The following PCDHGA8 variants were observed in gnomAD, a reference collection of about 807,000 sequenced individuals.
The protein encoded by PCDHGA8 is protocadherin gamma subfamily A, 8.
PCDHGA8 carries 45 observed loss-of-function variants against 59.2 expected under a neutral mutation model. The observed-to-expected ratio is 0.76, with a 90% CI of 0.60 to 0.98. The LOEUF (loss-of-function observed/expected upper bound fraction) is 0.98, where lower values mean the gene tolerates loss of function less well. PCDHGA8 is among the 50% of genes least tolerant of loss of function. The probability of loss-of-function intolerance (pLI) is 0.00; values close to 1 mark genes in which losing one functional copy is unlikely to be tolerated. For synonymous variants in PCDHGA8, 531 were observed against 519.0 expected (o/e 1.02, Z -0.32); for missense variants, 1,257 against 1,196.2 (o/e 1.05, Z -0.75).
chr5:141,419,734 G>A, intron 1 of PCDHGA8: 2 of 1,613,792 alleles, frequency 1.2e-6, no homozygotes, highest in Non-Finnish European at 1.7e-6. Context: ...GAACAGGCGA[G>A]GTGCGCATGG....
chr5:141,419,218 A>G, intron 1 of PCDHGA8: 1 of 1,613,940 alleles, frequency 6.2e-7, no homozygotes, highest in Non-Finnish European at 8.5e-7. Flanking sequence ...CGGTTTTCGG[A>G]CAGTCAGCCT....
chr5:141,424,962 C>G (rs1018789700), intron 1 of PCDHGA8, among the ~76,000 whole-genome samples: 2 of 152,116 alleles, frequency 1.3e-5, no homozygotes, highest in Admixed American at 6.6e-5. Flanking sequence ...GTATTTGCCC[C>G]AAATTACTTG....
intron 1 of PCDHGA8, chr5:141,413,452 AGGATAGACC>A (rs2095643065): frequency 6.2e-7 from 1 of 1,614,124 alleles, no homozygotes; most frequent in Admixed American, 1.7e-5. Context: ...CACCGCGGGC[AGGATAGACC>A]GGGAGGAGCT....
intron 1 of PCDHGA8, chr5:141,415,000 T>G: frequency 6.2e-7 from 1 of 1,613,660 alleles, no homozygotes; most frequent in Non-Finnish European, 8.5e-7. Context: ...CGCCTGGCTG[T>G]CCTACCGTCT....
At chr5:141,424,540 T>G (rs944656560) in intron 1 of PCDHGA8, 1 of 152,244 alleles carries the variant, frequency 6.6e-6, no homozygotes, top group Admixed American at 6.5e-5. Flanking sequence ...TAGAAATAAC[T>G]TGATTTTGAT....
At chr5:141,414,888 C>T (rs1452402953) in intron 1 of PCDHGA8, 2 of 1,614,210 alleles carry the variant, frequency 1.2e-6, no homozygotes, top group Non-Finnish European at 1.7e-6. Flanking sequence ...ACCCCGCCCT[C>T]CCCACAGACG....
At chr5:141,397,923 C>T in intron 1 of PCDHGA8, 1 of 738,672 alleles carries the variant, frequency 1.4e-6, no homozygotes, top group East Asian at 2.8e-5. Flanking sequence ...GATCTCCTCG[C>T]GCAGCCGCAG....
chr5:141,485,666 A>G lies in PCDHGA8; in HGVS notation c.2425-9141A>G. ...GGCTCAGGATGCAGATGTGGGGAGC[A>G]ATTCGATTAGCAGCTATAGGCTGAG... On this transcript the variant is annotated intron_variant, in intron 1 of 3. Coordinates refer to ENST00000398604, the MANE Select transcript of PCDHGA8 (RefSeq NM_032088.2). The surrounding 1 kb of genome is among the most constrained non-coding windows in gnomAD (Gnocchi z 5.7). 1 of 1,612,786 alleles carries G rather than the reference A, an allele frequency of 6.2e-7. No homozygotes were observed. Among genetic ancestry groups the G allele is most frequent in the Non-Finnish European group, 8.5e-7 (1 of 1,178,960 alleles).
intron 1 of PCDHGA8, chr5:141,395,537 ATTGT>A (rs1179408656): frequency 3.7e-5 from 9 of 243,938 alleles, no homozygotes; most frequent in Admixed American, 8.6e-5. Context: ...TAATTTTGCT[ATTGT>A]TTGTGTGTGT....
At position 141,409,941 on chromosome 5, in the gene PCDHGA8, G is replaced by C. The variant is rs757414302; in HGVS notation, c.2424+14704G>C. ...TCCGCGTTCTTCGATATGGTACCTC[G>C]CTCTGCAGAGCCCGGCTACCTAGTG... On this transcript the variant is annotated intron_variant, in intron 1 of 3. Transcript: ENST00000398604. 1.9e-6 allele frequency: 3 copies of C among 1,613,226 alleles called. No homozygotes were observed. In the South Asian group the frequency reaches 3.3e-5, roughly 18 times the overall value.
intron 1 of PCDHGA8, chr5:141,400,228 C>T: frequency 1.2e-6 from 2 of 1,614,030 alleles, no homozygotes; most frequent in African/African-American, 2.7e-5. Flanking sequence ...GCTCTTCCTC[C>T]TGGCCGTGAT....
chr5:141,478,635 A>T, intron 1 of PCDHGA8: 1 of 1,552,830 alleles, frequency 6.4e-7, no homozygotes, highest in Non-Finnish European at 8.7e-7. Context: ...TTTTTTAGTG[A>T]TGAAGATGTT....
chr5:141,402,854 C>A, intron 1 of PCDHGA8: 2 of 1,423,530 alleles, frequency 1.4e-6, no homozygotes, highest in Non-Finnish European at 1.8e-6. Flanking sequence ...CCTCTTTCTT[C>A]TAAGGAAAAG....
chr5:141,452,830 T>A (rs2098749929), intron 1 of PCDHGA8, among the ~76,000 whole-genome samples: 1 of 152,166 alleles, frequency 6.6e-6, no homozygotes, highest in South Asian at 2.1e-4. Context: ...CAAAATCACT[T>A]GGTCCAGCCC....
chr5:141,409,541 G>C lies in PCDHGA8; in HGVS notation c.2424+14304G>C, dbSNP rs1485327824. ...CACCTTGTATGTCGCTGACATCAAC[G>C]ACAACGCCCCAGTTTTCGACCAGAC... On this transcript the variant is annotated intron_variant, in intron 1 of 3. Coordinates refer to ENST00000398604, the MANE Select transcript of PCDHGA8 (RefSeq NM_032088.2). 16 of 1,613,852 alleles carry C rather than the reference G, an allele frequency of 9.9e-6. No homozygotes were observed. Among genetic ancestry groups the C allele is most frequent in the Admixed American group, 1.7e-5 (1 of 60,016 alleles).
chr5:141,486,211 T>C lies in PCDHGA8; in HGVS notation c.2425-8596T>C, dbSNP rs779905477. On this transcript the variant is annotated intron_variant, in intron 1 of 3. Coordinates refer to ENST00000398604, the MANE Select transcript of PCDHGA8 (RefSeq NM_032088.2). The surrounding 1 kb of genome is among the most constrained non-coding windows in gnomAD (Gnocchi z 5.0). ...TGGATCTGCTGGACGTAAATGACAA[T>C]GCCCCTTACATCACAGTGACCTCAG... 6.2e-7 allele frequency: 1 copy of C among 1,614,142 alleles called. No homozygotes were observed. Among genetic ancestry groups the C allele is most frequent in the Non-Finnish European group, 8.5e-7 (1 of 1,180,024 alleles).
chr5:141,462,811 T>C (rs893444929), intron 1 of PCDHGA8, among the ~76,000 whole-genome samples: 1 of 152,206 alleles, frequency 6.6e-6, no homozygotes, highest in Non-Finnish European at 1.5e-5. Context: ...ATAATGTTTT[T>C]ATTGGACAGC....
chr5:141,472,465 A>C (rs886879646), intron 1 of PCDHGA8, among the ~76,000 whole-genome samples: 4 of 152,032 alleles, frequency 2.6e-5, no homozygotes, highest in Non-Finnish European at 5.9e-5. Flanking sequence ...GCTTGAACCC[A>C]GAAGGCAGAG....
At chr5:141,395,407 G>T (rs1467176036) in intron 1 of PCDHGA8, 170 bp downstream of exon 1, 3 of 826,654 alleles carry the variant, frequency 3.6e-6, no homozygotes, top group Non-Finnish European at 5.4e-6. Context: ...ATAGTCATAG[G>T]TTATTGTTTC....
Sources: allele counts gnomAD v4.1 joint callset (sites outside exome capture counted in the v4.1 genomes callset), GRCh38; gene constraint gnomAD v4.1.1; non-coding constraint Gnocchi (gnomAD v3.1); transcripts MANE v1.5; gene names NCBI Gene and HGNC (gene_info 2026-07-23, HGNC 2026-07-21).